Variants in VPS8 observed in about 807,000 individuals in gnomAD.
VPS8 encodes vacuolar protein sorting-associated protein 8 homolog.
Under a neutral mutation model 216.4 loss-of-function variants are expected in VPS8, and 129 were observed. The observed-to-expected ratio is 0.60, with a 90% CI of 0.52 to 0.69. The LOEUF is 0.69. Among genes scored for constraint, VPS8 ranks in the 30% least tolerant of loss-of-function variants. VPS8 has a pLI of 0.00. For synonymous variants in VPS8, 571 were observed against 565.4 expected, an observed-to-expected ratio of 1.01 and a Z score of -0.14; for missense variants, 1,531 against 1,683.5, an observed-to-expected ratio of 0.91 and a Z score of 1.59.
chr3:185,000,546 A>G (rs985374729), intron 45 of VPS8, among the ~76,000 whole-genome samples: 1 of 150,752 alleles, frequency 6.6e-6, no homozygotes, highest in Non-Finnish European at 1.5e-5. Flanking sequence ...ACCCTATCCT[A>G]TAGTTGGCCT....
chr3:185,043,528 CTG>C (rs1489792055), intron 46 of VPS8, among the ~76,000 whole-genome samples: 2 of 152,156 alleles, frequency 1.3e-5, no homozygotes, highest in Non-Finnish European at 2.9e-5. Flanking sequence ...AGACTTTTTT[CTG>C]TGATGGCAGA....
chr3:184,930,616 A>T, intron 34 of VPS8, 48 bp downstream of exon 34: 1 of 1,387,496 alleles, frequency 7.2e-7, no homozygotes, highest in Non-Finnish European at 1.0e-6. Context: ...CGATCATCTA[A>T]CCCAAGTTAA....
chr3:184,881,716 C>T (rs147466355), intron 21 of VPS8, among the ~76,000 whole-genome samples: 13 of 152,170 alleles, frequency 8.5e-5, no homozygotes, highest in Non-Finnish European at 1.8e-4. Context: ...TTAAACACAT[C>T]AGTTTGAGGA....
intron 46 of VPS8, among the ~76,000 whole-genome samples, chr3:185,027,519 G>C (rs1179528313): frequency 2.0e-5 from 3 of 152,120 alleles, no homozygotes; most frequent in Non-Finnish European, 4.4e-5. Flanking sequence ...TGGGATTACA[G>C]GCGTGAGCCA....
intron 25 of VPS8, among the ~76,000 whole-genome samples, chr3:184,911,150 A>G (rs1316592135): frequency 6.6e-6 from 1 of 152,226 alleles, no homozygotes; most frequent in Non-Finnish European, 1.5e-5. Context: ...GGGAAGAGAA[A>G]GGTTGTAGAA....
intron 45 of VPS8, among the ~76,000 whole-genome samples, chr3:185,011,643 T>G (rs1468762794): frequency 6.6e-6 from 1 of 152,204 alleles, no homozygotes; most frequent in Non-Finnish European, 1.5e-5. Flanking sequence ...GTTACAGGGA[T>G]TGATAAATAC....
At chr3:185,005,417 A>G (rs910407168) in intron 45 of VPS8, among the ~76,000 whole-genome samples, 1 of 152,200 alleles carries the variant, frequency 6.6e-6, no homozygotes, top group Non-Finnish European at 1.5e-5. Context: ...AAGAATGATG[A>G]TGGTATTTTG....
intron 29 of VPS8, among the ~76,000 whole-genome samples, chr3:184,923,834 C>T (rs1739088051): frequency 6.6e-6 from 1 of 152,202 alleles, no homozygotes; most frequent in South Asian, 2.1e-4. Context: ...AGAATTTCTG[C>T]ACGGGCTTTA....
At chr3:185,029,785 A>T (rs1434211378) in intron 46 of VPS8, among the ~76,000 whole-genome samples, 1 of 152,122 alleles carries the variant, frequency 6.6e-6, no homozygotes, top group Non-Finnish European at 1.5e-5. Context: ...GCTGGTCTCA[A>T]ACTCCTGACC....
At chr3:184,876,636 G>A (rs996050619) in intron 21 of VPS8, among the ~76,000 whole-genome samples, 18 of 152,094 alleles carry the variant, frequency 1.2e-4, no homozygotes, top group African/African-American at 4.3e-4. Flanking sequence ...AGCCTTTTCT[G>A]AGGATTCCTG....
chr3:184,921,651 A>G (rs1578251723), intron 29 of VPS8, among the ~76,000 whole-genome samples: 2 of 150,910 alleles, frequency 1.3e-5, no homozygotes, highest in South Asian at 4.2e-4. Context: ...TCAGCTCACT[A>G]CTCCTGGGTT....
intron 24 of VPS8, among the ~76,000 whole-genome samples, chr3:184,900,447 A>G (rs1326898408): frequency 6.6e-6 from 1 of 152,154 alleles, no homozygotes; most frequent in African/African-American, 2.4e-5. Flanking sequence ...GGTGCTAAGG[A>G]TCAGTTTTTT....
intron 22 of VPS8, among the ~76,000 whole-genome samples, chr3:184,889,764 G>A (rs904709497): frequency 6.6e-6 from 1 of 152,040 alleles, no homozygotes; most frequent in Non-Finnish European, 1.5e-5. Flanking sequence ...TTTGTTCTAG[G>A]TCTGTGTTGT....
At chr3:184,955,558 G>T (rs544882669) in intron 36 of VPS8, among the ~76,000 whole-genome samples, 2 of 151,482 alleles carry the variant, frequency 1.3e-5, no homozygotes, top group East Asian at 3.9e-4. Context: ...GCTGGTCTCC[G>T]CGTCTTGGTG....
chr3:184,860,753 T>C lies in VPS8; in HGVS notation c.1224+688T>C, dbSNP rs1229120644. The stretch of plus-strand genomic sequence containing the variant: ...TTGATTCAGCAGCTTGTGCAACCTC[T>C]TTTTTTCTTGCGGCTAAAAACTTTG... On this transcript the variant is annotated intron_variant, in intron 15 of 47. Coordinates refer to ENST00000625842, the MANE Select transcript of VPS8 (RefSeq NM_001009921.3). 4.6e-5 allele frequency among the ~76,000 whole-genome samples: 7 copies of C among 152,222 alleles called. No individual in the cohort carries two copies. In the East Asian group the frequency reaches 1.2e-3, roughly 25 times the overall value.
At chr3:185,022,587 T>C (rs1252101404) in intron 45 of VPS8, among the ~76,000 whole-genome samples, 2 of 152,232 alleles carry the variant, frequency 1.3e-5, no homozygotes, top group African/African-American at 4.8e-5. Context: ...TGGCATAAAA[T>C]TATTCACAAA....
At chr3:185,007,921 T>A (rs1754484860) in intron 45 of VPS8, among the ~76,000 whole-genome samples, 1 of 152,140 alleles carries the variant, frequency 6.6e-6, no homozygotes, top group Non-Finnish European at 1.5e-5. Flanking sequence ...CACTTGGAGA[T>A]TCAGTTTACA....
intron 35 of VPS8, among the ~76,000 whole-genome samples, chr3:184,938,704 TATA>T (rs1198575317): frequency 2.0e-5 from 3 of 149,348 alleles, no homozygotes; most frequent in South Asian, 2.1e-4. Context: ...AGTAGGTGAA[TATA>T]ATGTCATTCA....
In VPS8 at chr3:184,894,911, C is replaced by A; in HGVS notation, c.1990C>A (p.Leu664Ile). ...CATTGTACATATGGATATCACCAGC[C>A]TAGATATTCAGCAGGTGAGTTTATA... Reference protein sequence around the residue: ...ALIVHMDITSLDIQQVVLMCW... With the variant: ...ALIVHMDITSIDIQQVVLMCW... Residue 664 changes from leucine to isoleucine, a missense_variant, in exon 23 of 48, where the codon CTA (leucine) becomes ATA (isoleucine). Leu to Ile is a conservative substitution (Grantham distance 5). Around this residue, in one of 3 missense-constraint regions of VPS8, gnomAD observed 1,318 missense variants for 1,468.4 expected, o/e 0.90. Coordinates refer to ENST00000625842, the MANE Select transcript of VPS8 (RefSeq NM_001009921.3). The A allele has an allele frequency of 6.2e-7, 1 of 1,604,598 alleles. No individual in the cohort carries two copies. Among genetic ancestry groups the A allele is most frequent in the Middle Eastern group, 2.2e-4 (1 of 4,546 alleles).
Sources: allele counts gnomAD v4.1 joint callset (sites outside exome capture counted in the v4.1 genomes callset), GRCh38; gene constraint gnomAD v4.1.1; regional missense constraint gnomAD v4.1.1; transcripts MANE v1.5; gene names NCBI Gene and HGNC (gene_info 2026-07-23, HGNC 2026-07-21).